POC5: variants seen among roughly 807,000 people sequenced by gnomAD.
POC5 encodes centrosomal protein POC5.
In POC5, 48 loss-of-function variants were observed where a neutral mutation model predicts 62.9. The ratio of observed to expected loss-of-function variants is 0.76; its 90% CI spans 0.61 to 0.97. The LOEUF (loss-of-function observed/expected upper bound fraction) is 0.97. Ranked by LOEUF, POC5 falls within the 50% of genes least tolerant of loss-of-function variation. The pLI, the probability that POC5 is intolerant of heterozygous loss-of-function variation, is 0.00. For missense variants in POC5, 696 were observed against 679.5 expected (o/e 1.02, Z -0.27); for synonymous variants, 236 against 228.2 (o/e 1.03, Z -0.31).
chr5:75,702,794 T>A lies in POC5; in HGVS notation c.324A>T (p.Leu108Phe). 1 of 1,577,748 alleles carries A rather than the reference T, an allele frequency of 6.3e-7. No individual in the cohort carries two copies. ...CTGGGTGAGAAGGCTTCCTTGGCGA[T>A]AACACTGGTGATGACTCTGAATAAA... is the stretch of plus-strand genomic sequence containing the variant. ...HSKTDESSPV[L>F]SPRKPSHPVM... The change falls in exon 5 of 12, where the codon TTA becomes TTT. Residue 108 changes from leucine (L) to phenylalanine (F), a missense_variant. Transcript: ENST00000428202.
At chr5:75,701,022 A>G (rs1187641029) in intron 5 of POC5, among the ~76,000 whole-genome samples, 2 of 125,934 alleles carry the variant, frequency 1.6e-5, no homozygotes, top group African/African-American at 5.6e-5. Context: ...ACAATGAGAT[A>G]CCATCTCACA....
At chr5:75,704,049 G>A (rs1777016192) in intron 4 of POC5, among the ~76,000 whole-genome samples, 1 of 151,772 alleles carries the variant, frequency 6.6e-6, no homozygotes, top group African/African-American at 2.4e-5. Flanking sequence ...CAGCTACTTG[G>A]GAGGCTGAGG....
intron 2 of POC5, among the ~76,000 whole-genome samples, chr5:75,711,628 A>AC (rs1419726936): frequency 6.6e-6 from 1 of 152,138 alleles, no homozygotes; most frequent in Non-Finnish European, 1.5e-5. Flanking sequence ...CAGTAGTGAA[A>AC]CCCAAAGTAA....
chr5:75,700,689 C>G (rs1409280296), intron 5 of POC5, among the ~76,000 whole-genome samples: 2 of 147,516 alleles, frequency 1.4e-5, no homozygotes, highest in Admixed American at 1.4e-4. Flanking sequence ...ACACCAAAAG[C>G]AATGGCAACA....
At chr5:75,678,369 T>C (rs937412968) in intron 10 of POC5, among the ~76,000 whole-genome samples, 1 of 152,020 alleles carries the variant, frequency 6.6e-6, no homozygotes, top group Non-Finnish European at 1.5e-5. Context: ...TGTCATTTTA[T>C]CACCTAAGTT....
intron 5 of POC5, among the ~76,000 whole-genome samples, chr5:75,695,268 C>T (rs1363787296): frequency 4.6e-5 from 7 of 152,124 alleles, no homozygotes; most frequent in Admixed American, 1.3e-4. Context: ...TACTTGTTTT[C>T]CCAAGCCATT....
chr5:75,676,975 G>A (rs967075009), intron 11 of POC5, among the ~76,000 whole-genome samples: 29 of 152,126 alleles, frequency 1.9e-4, no homozygotes, highest in Admixed American at 1.8e-3. Context: ...GATATCTCAT[G>A]TATCTTTTTC....
At chr5:75,684,830 A>G (rs1013252882) in intron 10 of POC5, among the ~76,000 whole-genome samples, 2 of 151,904 alleles carry the variant, frequency 1.3e-5, no homozygotes, top group Non-Finnish European at 2.9e-5. Context: ...CTCCATAGGA[A>G]AATATTTTAT....
At chr5:75,702,578 T>G (rs1229977078) in intron 5 of POC5, 27 bp downstream of exon 5, 2 of 1,591,482 alleles carry the variant, frequency 1.3e-6, no homozygotes, top group Middle Eastern at 1.7e-4. Flanking sequence ...ACTAAACAAC[T>G]GTAATTGAAG....
intron 10 of POC5, among the ~76,000 whole-genome samples, chr5:75,680,410 G>C (rs2112079767): frequency 6.6e-6 from 1 of 152,136 alleles, no homozygotes; most frequent in Non-Finnish European, 1.5e-5. Flanking sequence ...AATTGCTTTA[G>C]AATGCCTTCA....
intron 2 of POC5, 69 bp from the exon 3 acceptor site, chr5:75,707,944 G>A: frequency 7.4e-7 from 1 of 1,358,408 alleles, no homozygotes; most frequent in Non-Finnish European, 1.0e-6. Flanking sequence ...AACTGAATTT[G>A]TTTTAAAGAA....
chr5:75,714,644 A>C (rs560321189), intron 1 of POC5, among the ~76,000 whole-genome samples: 260 of 152,274 alleles, frequency 1.7e-3, no homozygotes, highest in African/African-American at 5.9e-3. Flanking sequence ...CCACTCACCA[A>C]GGCAAGGAAG....
intron 5 of POC5, among the ~76,000 whole-genome samples, chr5:75,702,160 CAG>C (rs989116064): frequency 2.2e-4 from 34 of 151,406 alleles, no homozygotes; most frequent in African/African-American, 6.8e-4. Flanking sequence ...CGGGGCCTGT[CAG>C]GGGGTGGAGG....
chr5:75,691,231 G>A (rs903586642), intron 7 of POC5, among the ~76,000 whole-genome samples: 1 of 152,134 alleles, frequency 6.6e-6, no homozygotes, highest in African/African-American at 2.4e-5. Flanking sequence ...AAGTTTCAAA[G>A]TAGAGTATAA....
intron 10 of POC5, among the ~76,000 whole-genome samples, chr5:75,678,205 A>C (rs1490493215): frequency 6.6e-6 from 1 of 151,930 alleles, no homozygotes; most frequent in Non-Finnish European, 1.5e-5. Context: ...TTTTTTTTTA[A>C]ATGATAGATT....
intron 9 of POC5, among the ~76,000 whole-genome samples, chr5:75,686,790 T>C (rs1776111914): frequency 6.6e-6 from 1 of 152,112 alleles, no homozygotes; most frequent in Admixed American, 6.5e-5. Context: ...GTCAAGTATT[T>C]TTTTTTACTG....
At chr5:75,703,534 G>C (rs1239148093) in intron 4 of POC5, among the ~76,000 whole-genome samples, 1 of 152,128 alleles carries the variant, frequency 6.6e-6, no homozygotes, top group Non-Finnish European at 1.5e-5. Context: ...GCTGAGGCAG[G>C]AGAATTGCTT....
chr5:75,698,278 C>T (rs377020030), intron 5 of POC5, among the ~76,000 whole-genome samples: 1 of 149,160 alleles, frequency 6.7e-6, no homozygotes, highest in East Asian at 1.9e-4. Flanking sequence ...TTTTTCAGCA[C>T]CACACCACAC....
intron 10 of POC5, among the ~76,000 whole-genome samples, chr5:75,678,210 T>C (rs1775747643): frequency 1.3e-5 from 2 of 152,046 alleles, no homozygotes; most frequent in Admixed American, 6.6e-5. Flanking sequence ...TTTTAAATGA[T>C]AGATTTATAG....
Sources: gnomAD v4.1 joint callset for allele counts (sites outside exome capture counted in the v4.1 genomes callset) on GRCh38, gnomAD v4.1.1 for gene constraint, MANE v1.5 for transcripts, NCBI Gene and HGNC (gene_info 2026-07-23, HGNC 2026-07-21) for gene names.